NEK5: variants seen among roughly 807,000 people sequenced by gnomAD.
NEK5 encodes the protein NIMA related kinase 5.
A neutral mutation model predicts 109.2 loss-of-function variants in NEK5; 88 were observed. The observed-to-expected ratio is 0.81, with a 90% CI of 0.68 to 0.96. NEK5 has a LOEUF of 0.96. NEK5 is among the 40% of genes least tolerant of loss of function. NEK5 has a pLI of 0.00. For synonymous variants in NEK5, 283 were observed against 299.9 expected (o/e 0.94, Z 0.58); for missense variants, 834 against 920.7 (o/e 0.91, Z 1.22).
chr13:52,086,642 T>C (rs1011834545), intron 15 of NEK5, among the ~76,000 whole-genome samples: 7 of 152,212 alleles, frequency 4.6e-5, no homozygotes, highest in African/African-American at 1.7e-4. Flanking sequence ...AACCCTCTTA[T>C]GCACTGAAGT....
intron 13 of NEK5, 101 bp downstream of exon 13, chr13:52,092,953 G>A (rs1955321823): frequency 1.3e-6 from 1 of 780,026 alleles, no homozygotes; most frequent in Admixed American, 2.6e-5. Flanking sequence ...AGTTCTTCTT[G>A]GATTATTTGT....
intron 16 of NEK5, among the ~76,000 whole-genome samples, chr13:52,083,965 C>A (rs1955065985): frequency 6.6e-6 from 1 of 152,188 alleles, no homozygotes; most frequent in African/African-American, 2.4e-5. Flanking sequence ...CTCCAGGCTG[C>A]CCCTCCCAGC....
At chr13:52,109,366 T>C (rs1262898841) in intron 7 of NEK5, among the ~76,000 whole-genome samples, 2 of 152,152 alleles carry the variant, frequency 1.3e-5, no homozygotes, top group African/African-American at 4.8e-5. Context: ...AGACTCCTTG[T>C]AGCAATAAGA....
intron 23 of NEK5, among the ~76,000 whole-genome samples, chr13:52,042,978 C>T (rs1376770242): frequency 3.9e-5 from 6 of 151,944 alleles, no homozygotes; most frequent in Admixed American, 6.6e-5. Flanking sequence ...CATTAAAAGA[C>T]ATTTTCACAT....
Position 52,089,293 on chromosome 13 carries a change from C to T in NEK5, c.1229G>A (p.Arg410Lys), listed in dbSNP as rs1387601197. ...PSQWPAEYLQ[R>K]KFEAQQYKLK... ...CTTATATTGTTGAGCTTCAAATTTTCTCTGAAGGTACTCAGCAGGCCTTAG... is the reference window on the plus strand; with the variant it reads ...CTTATATTGTTGAGCTTCAAATTTTTTCTGAAGGTACTCAGCAGGCCTTAG... The change falls in exon 14 of 24, where the codon AGA becomes AAA. Residue 410 changes from arginine (R) to lysine (K), a missense_variant. Arg to Lys is a conservative substitution (Grantham distance 26). This residue lies in a region of NEK5 where 777 missense variants were observed against 824.7 expected (regional missense o/e 0.94). Coordinates refer to ENST00000684899, the MANE Select transcript of NEK5 (RefSeq NM_001365552.1). 1 of 1,608,970 alleles carries T rather than the reference C, an allele frequency of 6.2e-7. No individual in the cohort carries two copies. The highest frequency in any genetic ancestry group is 8.5e-7 in the Non-Finnish European group (1 of 1,175,844).
chr13:52,048,254 T>C (rs1490066287), intron 23 of NEK5, among the ~76,000 whole-genome samples: 2 of 152,104 alleles, frequency 1.3e-5, no homozygotes, highest in Admixed American at 6.5e-5. Flanking sequence ...CCTATGAATA[T>C]GTAAAATCAA....
At chr13:52,080,268 G>T (rs939847203) in intron 17 of NEK5, among the ~76,000 whole-genome samples, 4 of 141,060 alleles carry the variant, frequency 2.8e-5, no homozygotes, top group South Asian at 2.3e-4. Context: ...AGGGAGGTGG[G>T]GGGGGGTCAG....
intron 8 of NEK5, among the ~76,000 whole-genome samples, chr13:52,106,565 A>G (rs1955660355): frequency 6.6e-6 from 1 of 152,166 alleles, no homozygotes; most frequent in African/African-American, 2.4e-5. Flanking sequence ...CAAGAATTCA[A>G]GACCAGCCCG....
At chr13:52,126,542 C>T (rs1190322607) in intron 3 of NEK5, among the ~76,000 whole-genome samples, 4 of 152,186 alleles carry the variant, frequency 2.6e-5, no homozygotes, top group African/African-American at 9.7e-5. Context: ...CTTTGGGAGG[C>T]CAAGGCGGGC....
At chr13:52,122,478 G>A (rs1955989045) in intron 3 of NEK5, among the ~76,000 whole-genome samples, 1 of 152,104 alleles carries the variant, frequency 6.6e-6, no homozygotes, top group South Asian at 2.1e-4. Flanking sequence ...TTACAAAAGA[G>A]TATACCTGGG....
chr13:52,062,417 T>C (rs1954621098), intron 21 of NEK5, among the ~76,000 whole-genome samples: 2 of 152,014 alleles, frequency 1.3e-5, no homozygotes, highest in African/African-American at 4.8e-5. Context: ...CCCTCTTCTT[T>C]TTTTTCTTTC....
intron 21 of NEK5, among the ~76,000 whole-genome samples, chr13:52,064,526 C>T (rs1413349300): frequency 4.6e-5 from 7 of 151,054 alleles, no homozygotes; most frequent in Non-Finnish European, 7.4e-5. Context: ...CCTGGCCAGC[C>T]GCCCCGTCCG....
chr13:52,033,741 T>C lies in NEK5; in HGVS notation c.*3207A>G, dbSNP rs1954330615. The C allele has an allele frequency of 6.6e-6, 1 of 152,646 alleles. No homozygotes were observed. Among genetic ancestry groups the C allele is most frequent in the African/African-American group, 2.4e-5 (1 of 41,434 alleles). The allele number at this position is 152,646 out of a possible 1,614,324, so 9.5% of individuals were successfully genotyped here. A position where few individuals can be genotyped will look rare whatever the true frequency, so the allele number is the denominator to read the frequency against. On this transcript the variant is annotated 3_prime_UTR_variant, in exon 24 of 24. Coordinates refer to ENST00000684899, the MANE Select transcript of NEK5 (RefSeq NM_001365552.1). ...TATAGACAAAATTAAGAGACACCAG[T>C]GTGGTTATCAATGCTTTCAGAATAC...
At chr13:52,086,126 G>C in intron 16 of NEK5, 151 bp downstream of exon 16, 1 of 655,590 alleles carries the variant, frequency 1.5e-6, no homozygotes, top group Admixed American at 2.8e-5. Context: ...AATGAGGTCT[G>C]ACAGCTTTCC....
At chr13:52,068,755 G>A (rs1255423653) in intron 20 of NEK5, among the ~76,000 whole-genome samples, 1 of 152,132 alleles carries the variant, frequency 6.6e-6, no homozygotes, top group Non-Finnish European at 1.5e-5. Flanking sequence ...GATCACCTGA[G>A]ATCAAGAGTT....
chr13:52,092,126 G>A (rs965701547), intron 13 of NEK5, among the ~76,000 whole-genome samples: 9 of 152,086 alleles, frequency 5.9e-5, no homozygotes, highest in African/African-American at 2.2e-4. Context: ...AAGAAAATAA[G>A]CTAGATCAGA....
chr13:52,043,536 C>CAA (rs559454334), intron 23 of NEK5, among the ~76,000 whole-genome samples: 16 of 51,228 alleles, frequency 3.1e-4, no homozygotes, highest in African/African-American at 6.9e-4. Context: ...GACTCCATCT[C>CAA]AAAAAAAAAA....
chr13:52,087,166 A>AT (rs1396147882), intron 15 of NEK5, among the ~76,000 whole-genome samples, 172 bp downstream of exon 15: 1 of 152,220 alleles, frequency 6.6e-6, no homozygotes, highest in East Asian at 1.9e-4. Context: ...ACTTAGCCAT[A>AT]TCGCATTATC....
chr13:52,097,979 A>G (rs1955452122), intron 12 of NEK5, among the ~76,000 whole-genome samples: 1 of 152,110 alleles, frequency 6.6e-6, no homozygotes, highest in Non-Finnish European at 1.5e-5. Context: ...GTTGTTTACA[A>G]GTGTGTAGCA....
Sources: allele counts gnomAD v4.1 joint callset (sites outside exome capture counted in the v4.1 genomes callset), GRCh38; gene constraint gnomAD v4.1.1; regional missense constraint gnomAD v4.1.1; transcripts MANE v1.5; gene names NCBI Gene and HGNC (gene_info 2026-07-23, HGNC 2026-07-21).